The following PRPF19 variants were observed in gnomAD, a reference collection of about 807,000 sequenced individuals.
PRPF19 encodes pre-mRNA processing factor 19, also known as pre-mRNA-processing factor 19.
PRPF19 carries 2 observed loss-of-function variants against 64.2 expected under a neutral mutation model. The ratio of observed to expected loss-of-function variants is 0.03; its 90% confidence interval spans 0.01 to 0.10. The LOEUF is 0.10. PRPF19 is among the 10% of genes least tolerant of loss of function. The pLI, the probability that PRPF19 is intolerant of heterozygous loss-of-function variation, is 1.00. For synonymous variants in PRPF19, 226 were observed against 251.6 expected (o/e 0.90, Z 0.96); for missense variants, 314 against 650.0 (o/e 0.48, Z 5.62).
intron 1 of PRPF19, 141 bp from the exon 2 acceptor site, chr11:60,904,002 T>C: frequency 1.0e-6 from 1 of 1,000,560 alleles, no homozygotes. Context: ...CCTAAGCCAG[T>C]TCTGTACTGG....
chr11:60,898,770 T>G lies in PRPF19; in HGVS notation c.1054+92A>C. ...TAGACAGGTGCTCATGGTAAATATA[T>G]CTTTAGAACAAATAAACAAATGACT... On this transcript the variant is annotated intron_variant, in intron 12 of 15. Coordinates refer to ENST00000227524, the MANE Select transcript of PRPF19 (RefSeq NM_014502.5). The surrounding 1 kb of genome is among the most constrained non-coding windows in gnomAD (Gnocchi z 4.6). 3 of 1,507,070 alleles carry G rather than the reference T, an allele frequency of 2.0e-6. No individual in the cohort carries two copies. Among genetic ancestry groups the G allele is most frequent in the Non-Finnish European group, 1.8e-6 (2 of 1,119,626 alleles). 93.4% of individuals were successfully genotyped at this position (1,507,070 alleles called of 1,614,324 possible). A position where few individuals can be genotyped will look rare whatever the true frequency, so the allele number is the denominator to read the frequency against.
intron 2 of PRPF19, 44 bp from the exon 3 acceptor site, chr11:60,903,579 C>T (rs1554981073): frequency 6.2e-7 from 1 of 1,604,386 alleles, no homozygotes; most frequent in East Asian, 2.2e-5. Flanking sequence ...ACCCAGGGGC[C>T]TCCCCCGCCA....
Position 60,890,612 on chromosome 11 carries a change from G to A in PRPF19, c.*554C>T. On this transcript the variant is annotated 3_prime_UTR_variant, in exon 16 of 16. Transcript: ENST00000227524. ...AAAAAAAAAAAAAAGGGTAAGAGCT[G>A]TGAAAGGAAAGGAAGATGGGCTTCC... is the stretch of plus-strand genomic sequence containing the variant. The A allele has an allele frequency of 2.9e-6, 1 of 343,134 alleles. No individual in the cohort carries two copies. The highest frequency in any genetic ancestry group is 2.3e-5 in the South Asian group (1 of 44,296). The allele number at this position is 343,134 out of a possible 1,614,324, so 21.3% of individuals were successfully genotyped here.
chr11:60,892,498 A>G (rs1855872033), intron 15 of PRPF19, among the ~76,000 whole-genome samples: 1 of 152,192 alleles, frequency 6.6e-6, no homozygotes, highest in Admixed American at 6.5e-5. Context: ...TTTTCAGCTT[A>G]TGATGCACTT....
intron 1 of PRPF19, among the ~76,000 whole-genome samples, chr11:60,905,613 G>C (rs1168380509): frequency 6.6e-6 from 1 of 152,222 alleles, no homozygotes; most frequent in Non-Finnish European, 1.5e-5. Context: ...CAAGATCCGT[G>C]TCACCTAACT....
chr11:60,900,448 G>T, intron 10 of PRPF19, 134 bp downstream of exon 10: 1 of 687,762 alleles, frequency 1.5e-6, no homozygotes. Flanking sequence ...TCCAAAGTGA[G>T]CCCCTCCAAG....
chr11:60,896,032 T>G (rs1456703365), intron 15 of PRPF19, among the ~76,000 whole-genome samples: 1 of 152,166 alleles, frequency 6.6e-6, no homozygotes, highest in African/African-American at 2.4e-5. Context: ...TACCAAAATT[T>G]GACACACAGA....
intron 15 of PRPF19, among the ~76,000 whole-genome samples, chr11:60,896,870 TAAAG>T (rs762312835): frequency 1.2e-4 from 18 of 152,154 alleles, no homozygotes; most frequent in Non-Finnish European, 2.4e-4. Flanking sequence ...AACAAGGATG[TAAAG>T]AGAGACAATA....
rs1169464246 is a variant in PRPF19 at position 60,902,878 on chromosome 11, C to T, written c.250G>A (p.Ala84Thr). The change falls in exon 4 of 16, where the codon GCA becomes ACA. Residue 84 changes from alanine to threonine, a missense_variant. Coordinates refer to ENST00000227524, the MANE Select transcript of PRPF19 (RefSeq NM_014502.5). This position sits in a 1 kb window ranked among gnomAD's most constrained non-coding sequence, Gnocchi z 5.0. Reference protein sequence around the residue: ...ILKALQDEWDAVMLHSFTLRQ... With the variant: ...ILKALQDEWDTVMLHSFTLRQ... ...AGAGTGAAGCTGTGCAGCATGACTG[C>T]ATCCTGGGAGAAGCAAATATCATTG... is the stretch of plus-strand genomic sequence containing the variant. The T allele has an allele frequency of 6.2e-7, 1 of 1,613,566 alleles. No individual in the cohort carries two copies. The highest frequency in any genetic ancestry group is 1.7e-5 in the Admixed American group (1 of 59,992).
chr11:60,901,162 G>T, intron 8 of PRPF19, 133 bp downstream of exon 8: 1 of 1,085,404 alleles, frequency 9.2e-7, no homozygotes, highest in Non-Finnish European at 1.3e-6. Context: ...AGCAGCCCAG[G>T]CGAGAAACAG....
chr11:60,903,028 G>C (rs1305867860), intron 3 of PRPF19, 147 bp from the exon 4 acceptor site: 3 of 1,369,066 alleles, frequency 2.2e-6, no homozygotes, highest in East Asian at 2.5e-5. Context: ...AAACACGAAT[G>C]TGCCGGCAGA....
intron 3 of PRPF19, 67 bp downstream of exon 3, chr11:60,903,392 C>G (rs144516291): frequency 8.1e-6 from 12 of 1,479,746 alleles, no homozygotes; most frequent in African/African-American, 1.4e-5. Flanking sequence ...TTCCTACCCC[C>G]AAGTCCTAAC....
At chr11:60,901,193 A>G in intron 8 of PRPF19, 102 bp downstream of exon 8, 1 of 1,297,568 alleles carries the variant, frequency 7.7e-7, no homozygotes, top group South Asian at 1.3e-5. Flanking sequence ...AGCGCCAGGA[A>G]CCTGGGACAG....
rs1453808516 is a variant in PRPF19 at position 60,903,871 on chromosome 11, A to G, written c.20-10T>C. 6.2e-7 allele frequency: 1 copy of G among 1,607,396 alleles called. No homozygotes were observed. Among genetic ancestry groups the G allele is most frequent in the Non-Finnish European group, 8.5e-7 (1 of 1,178,468 alleles). The stretch of plus-strand genomic sequence containing the variant: ...GGCACTTCGTTAGAGACTGTAGAGA[A>G]AAGGCTGGTAGTGAGCTTGGAGTGA... On this transcript the variant is annotated splice_polypyrimidine_tract_variant and intron_variant, in intron 1 of 15. Coordinates refer to ENST00000227524, the MANE Select transcript of PRPF19 (RefSeq NM_014502.5).
intron 15 of PRPF19, among the ~76,000 whole-genome samples, chr11:60,893,669 T>C (rs1459102422): frequency 6.6e-6 from 1 of 151,868 alleles, no homozygotes; most frequent in African/African-American, 2.4e-5. Flanking sequence ...ATAAAAGTTA[T>C]GTTGGCCAGG....
chr11:60,898,743 A>G lies in PRPF19; in HGVS notation c.1055-117T>C. ...TCAGTGAACCCAGCACAAAGCCCGCACTAGACAGGTGCTCATGGTAAATAT... is the reference window on the plus strand; with the variant it reads ...TCAGTGAACCCAGCACAAAGCCCGCGCTAGACAGGTGCTCATGGTAAATAT... On this transcript the variant is annotated intron_variant, in intron 12 of 15. Coordinates refer to ENST00000227524, the MANE Select transcript of PRPF19 (RefSeq NM_014502.5). This position sits in a 1 kb window ranked among gnomAD's most constrained non-coding sequence, Gnocchi z 4.6. The G allele has an allele frequency of 1.3e-6, 2 of 1,556,046 alleles. No homozygotes were observed. Among genetic ancestry groups the G allele is most frequent in the South Asian group, 2.3e-5 (2 of 85,662 alleles).
Position 60,890,685 on chromosome 11 carries a change from T to A in PRPF19, c.*481A>T. 2.2e-6 allele frequency: 1 copy of A among 453,932 alleles called. No individual in the cohort carries two copies. Among genetic ancestry groups the A allele is most frequent in the Non-Finnish European group, 4.4e-6 (1 of 225,654 alleles). The allele number at this position is 453,932 out of a possible 1,614,324, so 28.1% of individuals were successfully genotyped here. On this transcript the variant is annotated 3_prime_UTR_variant, in exon 16 of 16. Coordinates refer to ENST00000227524, the MANE Select transcript of PRPF19 (RefSeq NM_014502.5). ...TGCTCCCTCCCCTTGACCTTCCCAG[T>A]CCCAGGTGCTCCTGGTGCAGACAGA...
chr11:60,898,114 T>C lies in PRPF19; in HGVS notation c.1298A>G (p.Asp433Gly). ...KLKNFKTLQL[D>G]NNFEVKSLIF... ...GGAAGGGCACACCTCAAAGTTGTTA[T>C]CCAGCTGCAAAGTCTTAAAGTTCTT... Residue 433 changes from aspartate to glycine, a missense_variant, in exon 14 of 16, where the codon GAT (aspartate) becomes GGT (glycine). Coordinates refer to ENST00000227524, the MANE Select transcript of PRPF19 (RefSeq NM_014502.5). This position sits in a 1 kb window ranked among gnomAD's most constrained non-coding sequence, Gnocchi z 4.6. The C allele has an allele frequency of 6.2e-7, 1 of 1,614,056 alleles. No homozygotes were observed. The highest frequency in any genetic ancestry group is 8.5e-7 in the Non-Finnish European group (1 of 1,179,972).
Position 60,902,939 on chromosome 11 carries a change from G to C in PRPF19, c.247-58C>G, listed in dbSNP as rs984229604. On this transcript the variant is annotated intron_variant, in intron 3 of 15. Coordinates refer to ENST00000227524, the MANE Select transcript of PRPF19 (RefSeq NM_014502.5). The surrounding 1 kb of genome is among the most constrained non-coding windows in gnomAD (Gnocchi z 5.0). ...TGGGGGGTGCAGGGAGTACCCAGTG[G>C]AGTCAGCCCTTGGGGAGGGGATGCT... 16 of 1,586,096 alleles carry C rather than the reference G, an allele frequency of 1.0e-5. No homozygotes were observed. The highest frequency in any genetic ancestry group is 1.3e-5 in the African/African-American group (1 of 74,660).
Sources: allele counts gnomAD v4.1 joint callset (sites outside exome capture counted in the v4.1 genomes callset), GRCh38; gene constraint gnomAD v4.1.1; non-coding constraint Gnocchi (gnomAD v3.1); transcripts MANE v1.5; gene names NCBI Gene and HGNC (gene_info 2026-07-23, HGNC 2026-07-21).